The following KRABD3 variants were observed in gnomAD, a reference collection of about 807,000 sequenced individuals.
KRABD3 encodes the protein KRAB domain-containing protein 3.
At chr7:149,733,086 T>C in the KRABD3 span, 1 of 1,235,984 alleles carries the variant, frequency 8.1e-7, no homozygotes, top group East Asian at 2.4e-5. Flanking sequence ...CCTTCCTTCC[T>C]TTCTGGAAGC....
chr7:149,724,566 C>T, the KRABD3 span: 5 of 994,186 alleles, frequency 5.0e-6, no homozygotes, highest in East Asian at 1.5e-4. Context: ...CTTTGGAAGC[C>T]CCTCCTAACC....
the KRABD3 span, chr7:149,729,499 T>C: frequency 7.9e-6 from 10 of 1,262,038 alleles, no homozygotes; most frequent in African/African-American, 1.5e-5. Flanking sequence ...GGACAGAAGC[T>C]GGTGCCAAAC....
the KRABD3 span, among the ~76,000 whole-genome samples, chr7:149,726,872 C>T: frequency 6.6e-6 from 1 of 152,172 alleles, no homozygotes; most frequent in Admixed American, 6.5e-5. Flanking sequence ...CACACCACTG[C>T]ACTCCAGCAT....
At chr7:149,723,375 C>A in the KRABD3 span, among the ~76,000 whole-genome samples, 1,469 of 152,316 alleles carry the variant, frequency 9.6e-3, 28 homozygotes, top group African/African-American at 0.034. Flanking sequence ...CTCACAGGGC[C>A]GCAGTGAGCT....
At chr7:149,719,659 G>A in the KRABD3 span, 27 of 1,607,240 alleles carry the variant, frequency 1.7e-5, no homozygotes, top group South Asian at 1.1e-4. The surrounding 1 kb of genome is among the most constrained non-coding windows in gnomAD (Gnocchi z 5.6). Context: ...ACTACGAGAC[G>A]CTGGTCTCTG....
chr7:149,718,437 C>A, the KRABD3 span, among the ~76,000 whole-genome samples: 3 of 150,982 alleles, frequency 2.0e-5, no homozygotes, highest in Non-Finnish European at 2.9e-5. Flanking sequence ...TAATTTTTGC[C>A]ATAATTTTAA....
chr7:149,733,818 G>A, the KRABD3 span: 2 of 1,604,332 alleles, frequency 1.2e-6, no homozygotes, highest in South Asian at 1.1e-5. Context: ...GCACATACCG[G>A]GGGCCACCAG....
chr7:149,733,692 C>A, the KRABD3 span: 1 of 1,583,462 alleles, frequency 6.3e-7, no homozygotes, highest in Non-Finnish European at 8.6e-7. Flanking sequence ...CGGGCACGTC[C>A]GCTGCCTCCA....
At chr7:149,724,785 C>G in the KRABD3 span, 1 of 1,590,840 alleles carries the variant, frequency 6.3e-7, no homozygotes, top group African/African-American at 1.3e-5. Context: ...GGCAGCCCCT[C>G]AGTCCCTCAG....
chr7:149,730,133 G>C, the KRABD3 span: 3 of 1,489,408 alleles, frequency 2.0e-6, no homozygotes, highest in African/African-American at 4.2e-5. Flanking sequence ...AGCACTCTCT[G>C]GTCCCCTGCC....
the KRABD3 span, chr7:149,729,744 C>G: frequency 4.1e-5 from 40 of 985,408 alleles, no homozygotes; most frequent in Non-Finnish European, 4.7e-5. Context: ...GTTTTGCTGA[C>G]CCTCCCATCA....
chr7:149,722,585 G>A, the KRABD3 span: 75 of 1,596,430 alleles, frequency 4.7e-5, no homozygotes, highest in African/African-American at 4.7e-4. Flanking sequence ...GTGGGGTAGC[G>A]ATGGGGAAGT....
chr7:149,725,870 T>C, the KRABD3 span: 1 of 1,541,066 alleles, frequency 6.5e-7, no homozygotes, highest in Non-Finnish European at 8.8e-7. Context: ...TGACCACAAC[T>C]GTGCTGTTCC....
chr7:149,732,618 A>T, the KRABD3 span, among the ~76,000 whole-genome samples: 77 of 132,270 alleles, frequency 5.8e-4, no homozygotes, highest in African/African-American at 2.0e-3. This position sits in a 1 kb window ranked among gnomAD's most constrained non-coding sequence, Gnocchi z 4.0. Context: ...ATCTTTTTTT[A>T]AAAAAAACAA....
chr7:149,725,714 C>G, the KRABD3 span, among the ~76,000 whole-genome samples: 1 of 152,230 alleles, frequency 6.6e-6, no homozygotes, highest in Non-Finnish European at 1.5e-5. Flanking sequence ...AGTCACGAGA[C>G]TCACTGTGGG....
At chr7:149,721,259 C>CACATAGGTGGCTG in the KRABD3 span, 3 of 1,253,082 alleles carry the variant, frequency 2.4e-6, no homozygotes, top group Non-Finnish European at 2.2e-6. Context: ...GTGATGACAA[C>CACATAGGTGGCTG]ACATAGGTGG....
At chr7:149,729,850 G>T in the KRABD3 span, 1 of 985,398 alleles carries the variant, frequency 1.0e-6, no homozygotes, top group Non-Finnish European at 1.2e-6. Flanking sequence ...GGGAGAAGCC[G>T]CCTGGCCTGT....
At chr7:149,723,061 G>T in the KRABD3 span, 19,500 of 994,900 alleles carry the variant, frequency 0.02, 2,532 homozygotes, top group African/African-American at 0.28. Context: ...TACCAGCTTG[G>T]TCGCTGCTGT....
the KRABD3 span, chr7:149,724,645 C>T: frequency 5.3e-6 from 8 of 1,512,816 alleles, no homozygotes; most frequent in East Asian, 2.5e-5. Flanking sequence ...ATGGCCTCCT[C>T]CCGCAGGGCC....
Sources: allele counts gnomAD v4.1 joint callset (sites outside exome capture counted in the v4.1 genomes callset), GRCh38; gene constraint gnomAD v4.1.1; non-coding constraint Gnocchi (gnomAD v3.1); transcripts MANE v1.5; gene names NCBI Gene and HGNC (gene_info 2026-07-23, HGNC 2026-07-21).